MAGI2: variants seen among roughly 807,000 people sequenced by gnomAD.
MAGI2 encodes the protein membrane associated guanylate kinase, WW and PDZ domain containing 2, also known as membrane-associated guanylate kinase, WW and PDZ domain-containing protein 2.
MAGI2 carries 35 observed loss-of-function variants against 133.3 expected under a neutral mutation model. The ratio of observed to expected loss-of-function variants is 0.26; its 90% CI spans 0.20 to 0.35. MAGI2 has a LOEUF of 0.35. Among genes scored for constraint, MAGI2 ranks in the 10% least tolerant of loss-of-function variants. The pLI is 1.00. For synonymous variants in MAGI2, 729 were observed against 710.6 expected (o/e 1.03, Z -0.41); for missense variants, 1,636 against 1,863.4 (o/e 0.88, Z 2.25).
chr7:79,234,573 C>T (rs1304710896), intron 1 of MAGI2, among the ~76,000 whole-genome samples: 6 of 152,068 alleles, frequency 3.9e-5, no homozygotes, highest in African/African-American at 1.2e-4. Flanking sequence ...CCCTTTCTTC[C>T]AGTTGATCGC....
At chr7:78,532,946 C>CTT (rs371827779) in intron 3 of MAGI2, among the ~76,000 whole-genome samples, 1 of 145,586 alleles carries the variant, frequency 6.9e-6, no homozygotes, top group Non-Finnish European at 1.5e-5. Context: ...TCAACTAATT[C>CTT]TTTTTTTTTT....
chr7:78,756,982 A>C (rs1824009141), intron 2 of MAGI2, among the ~76,000 whole-genome samples: 1 of 151,750 alleles, frequency 6.6e-6, no homozygotes, highest in Admixed American at 6.6e-5. Flanking sequence ...TCTGTAGACC[A>C]CTCCCTTTCC....
At chr7:78,766,261 T>G (rs1387282700) in intron 2 of MAGI2, among the ~76,000 whole-genome samples, 1 of 152,216 alleles carries the variant, frequency 6.6e-6, no homozygotes, top group African/African-American at 2.4e-5. Context: ...TGAGATTTGT[T>G]GCTTCGTGGA....
At chr7:78,361,190 T>C (rs1792750089) in intron 7 of MAGI2, among the ~76,000 whole-genome samples, 1 of 151,976 alleles carries the variant, frequency 6.6e-6, no homozygotes, top group Non-Finnish European at 1.5e-5. Context: ...GGTCAGGAGT[T>C]CAAGACCAGC....
intron 9 of MAGI2, among the ~76,000 whole-genome samples, chr7:78,303,574 T>C (rs1439569390): frequency 6.6e-6 from 1 of 152,088 alleles, no homozygotes; most frequent in Non-Finnish European, 1.5e-5. Flanking sequence ...CCAAATCTAA[T>C]CACTTGTAAA....
intron 21 of MAGI2, among the ~76,000 whole-genome samples, chr7:78,034,584 G>A (rs528248292): frequency 4.5e-3 from 692 of 152,206 alleles, no homozygotes; most frequent in Non-Finnish European, 7.2e-3. Flanking sequence ...CTGGAGTGCA[G>A]TAGCGTGATC....
chr7:78,587,595 C>T (rs1004188328), intron 3 of MAGI2, among the ~76,000 whole-genome samples: 3 of 152,194 alleles, frequency 2.0e-5, no homozygotes, highest in African/African-American at 4.8e-5. Context: ...TCACTTTATA[C>T]AGTCCAACTG....
intron 1 of MAGI2, chr7:79,008,751 A>G (rs1807734421): frequency 6.6e-6 from 1 of 152,200 alleles, no homozygotes; most frequent in Non-Finnish European, 1.5e-5. Flanking sequence ...CACAATTGCA[A>G]CAATTACCTA....
chr7:78,908,535 A>C (rs916154424), intron 2 of MAGI2, among the ~76,000 whole-genome samples: 1 of 152,234 alleles, frequency 6.6e-6, no homozygotes, highest in African/African-American at 2.4e-5. Context: ...GAATGGATGA[A>C]GGGTGAGAAA....
intron 1 of MAGI2, among the ~76,000 whole-genome samples, chr7:79,357,454 A>C (rs2129117911): frequency 6.6e-6 from 1 of 152,336 alleles, no homozygotes; most frequent in East Asian, 1.9e-4. Flanking sequence ...ATCAGAAAAT[A>C]AAAATAAGCA....
chr7:78,727,262 G>C (rs910484498), intron 2 of MAGI2, among the ~76,000 whole-genome samples: 3 of 152,186 alleles, frequency 2.0e-5, no homozygotes, highest in Admixed American at 2.0e-4. Context: ...GTATGGAAGA[G>C]AGAGAGAGAG....
At position 78,804,757 on chromosome 7, in the gene MAGI2, A is replaced by C. The variant is rs13243180; in HGVS notation, c.419-177518T>G. 1.7e-3 allele frequency among the ~76,000 whole-genome samples: 19 copies of C among 10,988 alleles called. No homozygotes were observed. In the South Asian group the frequency reaches 0.031, roughly 18 times the overall value. The allele number at this position is 10,988 out of a possible 152,430, so 7.2% of individuals were successfully genotyped here. On this transcript the variant is annotated intron_variant, in intron 2 of 21. Coordinates refer to ENST00000354212, the MANE Select transcript of MAGI2 (RefSeq NM_012301.4). The stretch of plus-strand genomic sequence containing the variant: ...GAGCGAGACTCTGTCTCAAAAAAAA[A>C]AAAAAAAAAAAAAAACCTTTGGCCC...
At chr7:78,426,081 A>G (rs1799249175) in intron 6 of MAGI2, among the ~76,000 whole-genome samples, 1 of 152,208 alleles carries the variant, frequency 6.6e-6, no homozygotes, top group African/African-American at 2.4e-5. Context: ...TACATTAAGG[A>G]AAGTATGACC....
At chr7:79,197,836 C>T (rs1404395487) in intron 1 of MAGI2, among the ~76,000 whole-genome samples, 2 of 151,930 alleles carry the variant, frequency 1.3e-5, no homozygotes, top group African/African-American at 4.8e-5. Context: ...CCTGCTCTCT[C>T]ATGCTCTTTT....
intron 16 of MAGI2, among the ~76,000 whole-genome samples, chr7:78,152,300 G>T (rs746301256): frequency 6.6e-6 from 1 of 152,154 alleles, no homozygotes; most frequent in Non-Finnish European, 1.5e-5. Flanking sequence ...CTGGGACAGG[G>T]TAAATAACTG....
chr7:78,138,625 TCACACACACACACACA>T (rs202115434), intron 16 of MAGI2, among the ~76,000 whole-genome samples: 67 of 129,474 alleles, frequency 5.2e-4, no homozygotes, highest in South Asian at 2.5e-3. Context: ...AAACATAGAT[TCACACACACACACACA>T]CACACACACA....
intron 2 of MAGI2, among the ~76,000 whole-genome samples, chr7:78,797,493 T>C (rs1467339158): frequency 2.0e-5 from 3 of 152,062 alleles, no homozygotes; most frequent in African/African-American, 7.2e-5. Flanking sequence ...GAGCTTTTTA[T>C]TTCTGCAACA....
chr7:78,273,018 G>A (rs1481318471), intron 9 of MAGI2, among the ~76,000 whole-genome samples: 1 of 152,174 alleles, frequency 6.6e-6, no homozygotes, highest in African/African-American at 2.4e-5. Flanking sequence ...GTTTGTTGAT[G>A]CAGTTTCTTC....
At chr7:79,180,917 T>C (rs547071701) in intron 1 of MAGI2, among the ~76,000 whole-genome samples, 1 of 152,068 alleles carries the variant, frequency 6.6e-6, no homozygotes, top group East Asian at 1.9e-4. Context: ...CTAGCAGGGC[T>C]GTCAAATCTT....
Sources: gnomAD v4.1 joint callset for allele counts (sites outside exome capture counted in the v4.1 genomes callset) on GRCh38, gnomAD v4.1.1 for gene constraint, MANE v1.5 for transcripts, NCBI Gene and HGNC (gene_info 2026-07-23, HGNC 2026-07-21) for gene names.